The following PPP3CA variants were observed in gnomAD, a reference collection of about 807,000 sequenced individuals.
The protein encoded by PPP3CA is protein phosphatase 3 catalytic subunit alpha.
PPP3CA carries 14 observed loss-of-function variants against 66.5 expected under a neutral mutation model. The ratio of observed to expected loss-of-function variants is 0.21; its 90% CI spans 0.14 to 0.33. The LOEUF is 0.33. Among genes scored for constraint, PPP3CA ranks in the 10% least tolerant of loss-of-function variants. The probability of loss-of-function intolerance (pLI) is 1.00; values close to 1 mark genes in which losing one functional copy is unlikely to be tolerated. For missense variants in PPP3CA, 317 were observed against 639.5 expected (o/e 0.50, Z 5.44); for synonymous variants, 232 against 226.2 (o/e 1.03, Z -0.23).
At chr4:101,332,903 G>A (rs1032123070) in intron 1 of PPP3CA, among the ~76,000 whole-genome samples, 1 of 152,116 alleles carries the variant, frequency 6.6e-6, no homozygotes, top group African/African-American at 2.4e-5. Context: ...CCCCATCACT[G>A]GAAGTATGTG....
In PPP3CA at chr4:101,307,373, G is replaced by A. The variant is rs781305632; in HGVS notation, c.58+39366C>T. Reference sequence around the variant, plus strand: ...TAGCTGCCATATGTCAAGTATTTGGGAGCTTTTACCTTCGAAACAATTCTG... The same window carrying A: ...TAGCTGCCATATGTCAAGTATTTGGAAGCTTTTACCTTCGAAACAATTCTG... On this transcript the variant is annotated intron_variant, in intron 1 of 13. Coordinates refer to ENST00000394854, the MANE Select transcript of PPP3CA (RefSeq NM_000944.5). Among the ~76,000 whole-genome samples, 49 of 152,180 alleles carry A rather than the reference G, an allele frequency of 3.2e-4. 1 individual carries two copies. Among genetic ancestry groups the A allele is most frequent in the Non-Finnish European group, 6.3e-4 (43 of 67,954 alleles).
At chr4:101,084,094 A>T (rs1729556770) in intron 6 of PPP3CA, among the ~76,000 whole-genome samples, 1 of 152,240 alleles carries the variant, frequency 6.6e-6, no homozygotes. Context: ...TTAATGAAAC[A>T]AATGTGTATT....
chr4:101,253,592 C>T (rs1239602888), intron 1 of PPP3CA, among the ~76,000 whole-genome samples: 2 of 152,146 alleles, frequency 1.3e-5, no homozygotes, highest in Non-Finnish European at 1.5e-5. Context: ...AGAATCCCAA[C>T]ATCCTCATTT....
In PPP3CA at chr4:101,235,138, T is replaced by C. The variant is rs144990051; in HGVS notation, c.59-39022A>G. Among the ~76,000 whole-genome samples the C allele has an allele frequency of 5.3e-3, 806 of 151,920 alleles. 1 individual carries two copies. The highest frequency in any genetic ancestry group is 7.7e-3 in the African/African-American group (321 of 41,508). ...CAAAATAAGACTTTTTAAGACAAGA[T>C]ATATCTGAATTTAAACTGCCCAAAT... On this transcript the variant is annotated intron_variant, in intron 1 of 13. Transcript: ENST00000394854.
intron 2 of PPP3CA, among the ~76,000 whole-genome samples, chr4:101,130,074 A>G (rs900410989): frequency 3.3e-5 from 5 of 152,110 alleles, no homozygotes; most frequent in Non-Finnish European, 5.9e-5. Flanking sequence ...ATGGAGCTGA[A>G]AAACAGAGCA....
At chr4:101,193,425 C>T (rs1724675518) in intron 2 of PPP3CA, among the ~76,000 whole-genome samples, 3 of 151,848 alleles carry the variant, frequency 2.0e-5, no homozygotes, top group Admixed American at 2.0e-4. Context: ...AAATAGTCTT[C>T]AAATTAAAAA....
intron 1 of PPP3CA, chr4:101,330,475 C>A: frequency 3.8e-6 from 2 of 524,746 alleles, no homozygotes; most frequent in Non-Finnish European, 7.8e-6. Flanking sequence ...TTCAGATGAT[C>A]ATTAGCACAA....
intron 1 of PPP3CA, among the ~76,000 whole-genome samples, chr4:101,293,129 C>T (rs1434931798): frequency 2.6e-5 from 4 of 152,162 alleles, no homozygotes; most frequent in African/African-American, 9.7e-5. Flanking sequence ...CCCACACTCA[C>T]AATGTGGTCA....
At chr4:101,285,107 A>C (rs560042909) in intron 1 of PPP3CA, among the ~76,000 whole-genome samples, 3 of 152,260 alleles carry the variant, frequency 2.0e-5, no homozygotes, top group African/African-American at 7.2e-5. Context: ...GTCTCCCTCT[A>C]TCTGTACTCA....
chr4:101,282,337 A>G (rs1019514521), intron 1 of PPP3CA, among the ~76,000 whole-genome samples: 12 of 152,242 alleles, frequency 7.9e-5, no homozygotes, highest in Admixed American at 7.9e-4. Context: ...AGGTGATTAG[A>G]TGAGTGAAAT....
At chr4:101,331,617 A>G (rs932523832) in intron 1 of PPP3CA, among the ~76,000 whole-genome samples, 8 of 152,328 alleles carry the variant, frequency 5.3e-5, no homozygotes, top group African/African-American at 1.7e-4. Context: ...AGACAGATTA[A>G]AAGTGTTCCA....
intron 1 of PPP3CA, among the ~76,000 whole-genome samples, chr4:101,253,780 T>C (rs1381321744): frequency 6.6e-6 from 1 of 152,106 alleles, no homozygotes; most frequent in Admixed American, 6.6e-5. Context: ...TAATGAATGA[T>C]GAGTTAGTCT....
intron 1 of PPP3CA, among the ~76,000 whole-genome samples, chr4:101,248,107 GT>G (rs763568313): frequency 6.1e-4 from 93 of 152,290 alleles, no homozygotes; most frequent in African/African-American, 2.2e-3. Context: ...CTATCTGTTG[GT>G]TGTTGGCAAG....
intron 1 of PPP3CA, among the ~76,000 whole-genome samples, chr4:101,345,544 T>A (rs1023952173): frequency 6.6e-6 from 1 of 152,150 alleles, no homozygotes; most frequent in African/African-American, 2.4e-5. Context: ...CTCATGCCCA[T>A]CTCTGCTTTG....
intron 1 of PPP3CA, among the ~76,000 whole-genome samples, chr4:101,326,631 A>C (rs1729216973): frequency 6.6e-6 from 1 of 152,204 alleles, no homozygotes; most frequent in South Asian, 2.1e-4. Flanking sequence ...AACAGGTAGC[A>C]TTTAATGAAG....
chr4:101,145,051 T>TA (rs1286867819), intron 2 of PPP3CA, among the ~76,000 whole-genome samples: 2 of 152,094 alleles, frequency 1.3e-5, no homozygotes, highest in Non-Finnish European at 2.9e-5. Flanking sequence ...TGGCATTAAA[T>TA]AAAAAAATAC....
intron 10 of PPP3CA, among the ~76,000 whole-genome samples, chr4:101,057,242 A>T (rs1478551603): frequency 2.0e-5 from 3 of 152,056 alleles, no homozygotes; most frequent in African/African-American, 7.2e-5. Context: ...TCTTTAGTAG[A>T]GACAAGGTTT....
chr4:101,244,244 T>C (rs1726403975), intron 1 of PPP3CA, among the ~76,000 whole-genome samples: 2 of 152,136 alleles, frequency 1.3e-5, no homozygotes, highest in South Asian at 2.1e-4. Context: ...AGGACCAACC[T>C]CCAATAATAT....
At chr4:101,202,080 G>A (rs1170257346) in intron 1 of PPP3CA, among the ~76,000 whole-genome samples, 2 of 151,966 alleles carry the variant, frequency 1.3e-5, no homozygotes, top group African/African-American at 2.4e-5. Flanking sequence ...GTTTAAAGAT[G>A]ATGAGAAAAA....
Sources: gnomAD v4.1 joint callset for allele counts (sites outside exome capture counted in the v4.1 genomes callset) on GRCh38, gnomAD v4.1.1 for gene constraint, MANE v1.5 for transcripts, NCBI Gene and HGNC (gene_info 2026-07-23, HGNC 2026-07-21) for gene names.